Variants in CASR observed in about 807,000 individuals in gnomAD.
CASR encodes the protein extracellular calcium-sensing receptor.
A neutral mutation model predicts 69.1 loss-of-function variants in CASR; 23 were observed. That is an observed-to-expected ratio of 0.33 (90% CI 0.24 to 0.47). The LOEUF is 0.47. Among genes scored for constraint, CASR ranks in the 20% least tolerant of loss-of-function variants. The pLI is 1.00. For missense variants in CASR, 924 were observed against 1,356.1 expected (o/e 0.68, Z 5.00); for synonymous variants, 541 against 544.7 (o/e 0.99, Z 0.10).
intron 1 of CASR, among the ~76,000 whole-genome samples, chr3:122,230,603 A>G (rs1390299911): frequency 2.0e-5 from 3 of 152,210 alleles, no homozygotes; most frequent in African/African-American, 7.2e-5. Context: ...GGGAGGAGGA[A>G]GACCCTCTCA....
intron 5 of CASR, among the ~76,000 whole-genome samples, chr3:122,279,241 A>C (rs139806602): frequency 4.2e-3 from 636 of 152,304 alleles, no homozygotes; most frequent in Non-Finnish European, 7.0e-3. Context: ...TCTAGACCAC[A>C]TCCCTAGACA....
chr3:122,266,858 G>T (rs955630740), intron 4 of CASR, among the ~76,000 whole-genome samples: 1 of 152,076 alleles, frequency 6.6e-6, no homozygotes, highest in Non-Finnish European at 1.5e-5. Context: ...CAAAAAATTA[G>T]CCGGGTGTGG....
intron 1 of CASR, among the ~76,000 whole-genome samples, chr3:122,207,977 C>T (rs146862640): frequency 5.5e-4 from 84 of 152,156 alleles, no homozygotes; most frequent in Middle Eastern, 3.4e-3. Context: ...TGCAGTCTAT[C>T]TCTCCCTTTA....
intron 3 of CASR, among the ~76,000 whole-genome samples, chr3:122,259,786 C>T (rs1263605357): frequency 1.3e-5 from 2 of 152,012 alleles, no homozygotes; most frequent in African/African-American, 2.4e-5. Context: ...CCCGCCACCA[C>T]GCCCGGCTAA....
At chr3:122,214,127 T>C (rs1301621738) in intron 1 of CASR, among the ~76,000 whole-genome samples, 1 of 152,262 alleles carries the variant, frequency 6.6e-6, no homozygotes, top group Non-Finnish European at 1.5e-5. Flanking sequence ...GATCCTGTCA[T>C]TGGCTCTTTT....
chr3:122,250,215 A>G (rs2074469763), intron 1 of CASR, among the ~76,000 whole-genome samples: 1 of 152,122 alleles, frequency 6.6e-6, no homozygotes, highest in African/African-American at 2.4e-5. Flanking sequence ...GAGGACAGGG[A>G]GATGGAGGAT....
intron 1 of CASR, among the ~76,000 whole-genome samples, chr3:122,229,488 ATC>A (rs2074259767): frequency 6.6e-6 from 1 of 152,264 alleles, no homozygotes; most frequent in South Asian, 2.1e-4. Context: ...ATTTGGCCAT[ATC>A]TTAATGTTCC....
intron 1 of CASR, 80 bp from the exon 2 acceptor site, chr3:122,253,868 T>C (rs528645292): frequency 2.8e-6 from 1 of 357,354 alleles, no homozygotes; most frequent in Non-Finnish European, 5.3e-6. Flanking sequence ...ATGGAAATTC[T>C]GAGCCACCTT....
chr3:122,238,504 CCTAA>C (rs1168815408), intron 1 of CASR, among the ~76,000 whole-genome samples: 1 of 152,166 alleles, frequency 6.6e-6, no homozygotes, highest in Non-Finnish European at 1.5e-5. Context: ...GACTGTAATT[CCTAA>C]CTAAGCAATT....
At chr3:122,191,158 G>T (rs73858160) in intron 1 of CASR, among the ~76,000 whole-genome samples, 25,190 of 152,152 alleles carry the variant, frequency 0.17, 2,673 homozygotes, top group African/African-American at 0.3. Flanking sequence ...CTTGAAGTTT[G>T]GAATGTTTTT....
At chr3:122,280,089 A>T (rs771135757) in intron 5 of CASR, among the ~76,000 whole-genome samples, 11 of 152,180 alleles carry the variant, frequency 7.2e-5, no homozygotes, top group Non-Finnish European at 1.6e-4. Context: ...TCATCACATA[A>T]ACAGAACTAA....
At chr3:122,253,454 G>A (rs1299982669) in intron 1 of CASR, among the ~76,000 whole-genome samples, 1 of 152,206 alleles carries the variant, frequency 6.6e-6, no homozygotes, top group African/African-American at 2.4e-5. Context: ...TGTTGGTCAA[G>A]CTGATCTTGA....
chr3:122,193,405 C>A (rs1234900241), intron 1 of CASR, among the ~76,000 whole-genome samples: 1 of 151,992 alleles, frequency 6.6e-6, no homozygotes, highest in Non-Finnish European at 1.5e-5. Context: ...TTGATAGAGA[C>A]AGGATTTCAC....
chr3:122,222,510 G>A (rs946968720), intron 1 of CASR, among the ~76,000 whole-genome samples: 1 of 152,096 alleles, frequency 6.6e-6, no homozygotes, highest in African/African-American at 2.4e-5. Flanking sequence ...CTTAGTAGTA[G>A]TAATAATAAA....
At chr3:122,261,219 A>G (rs931986789) in intron 3 of CASR, among the ~76,000 whole-genome samples, 11 of 152,204 alleles carry the variant, frequency 7.2e-5, no homozygotes, top group African/African-American at 2.4e-4. Context: ...TTGAAAGGCT[A>G]AGTACATCCC....
At chr3:122,215,938 G>A (rs1269677501) in intron 1 of CASR, among the ~76,000 whole-genome samples, 2 of 152,182 alleles carry the variant, frequency 1.3e-5, no homozygotes, top group Non-Finnish European at 2.9e-5. Flanking sequence ...AGCCAAGGCT[G>A]TTTCTTGAGG....
At chr3:122,219,096 G>A (rs35274320) in intron 1 of CASR, among the ~76,000 whole-genome samples, 21,518 of 152,194 alleles carry the variant, frequency 0.14, 1,570 homozygotes, top group Non-Finnish European at 0.15. Context: ...TCATTTGTAG[G>A]TCATACTGAA....
At chr3:122,216,954 C>A (rs1164445022) in intron 1 of CASR, among the ~76,000 whole-genome samples, 1 of 152,164 alleles carries the variant, frequency 6.6e-6, no homozygotes, top group Non-Finnish European at 1.5e-5. Context: ...ATATGCCAGG[C>A]ATTGTGCTGT....
At chr3:122,218,267 A>G (rs2074136333) in intron 1 of CASR, among the ~76,000 whole-genome samples, 1 of 151,908 alleles carries the variant, frequency 6.6e-6, no homozygotes, top group South Asian at 2.1e-4. Context: ...CAAGCATGGT[A>G]GCTCACACCT....
Sources: allele counts gnomAD v4.1 joint callset (sites outside exome capture counted in the v4.1 genomes callset), GRCh38; gene constraint gnomAD v4.1.1; transcripts MANE v1.5; gene names NCBI Gene and HGNC (gene_info 2026-07-23, HGNC 2026-07-21).